The following SLMAP variants were observed in gnomAD, a reference collection of about 807,000 sequenced individuals.
SLMAP encodes the protein sarcolemma associated protein.
In SLMAP, 44 loss-of-function variants were observed where a neutral mutation model predicts 128.8. The ratio of observed to expected loss-of-function variants is 0.34; its 90% CI spans 0.27 to 0.44. The LOEUF is 0.44. SLMAP is among the 20% of genes least tolerant of loss of function. The pLI is 1.00. For missense variants in SLMAP, 787 were observed against 985.3 expected, an observed-to-expected ratio of 0.80 and a Z score of 2.69; for synonymous variants, 327 against 348.8, an observed-to-expected ratio of 0.94 and a Z score of 0.70.
chr3:57,929,066 T>C lies in SLMAP; in HGVS notation c.*1777T>C, dbSNP rs1170105445. The C allele has an allele frequency of 6.6e-6, 1 of 152,652 alleles. No individual in the cohort carries two copies. The highest frequency in any genetic ancestry group is 2.4e-5 in the African/African-American group (1 of 41,468). 9.5% of individuals were successfully genotyped at this position (152,652 alleles called of 1,614,324 possible). On this transcript the variant is annotated 3_prime_UTR_variant, in exon 25 of 25. Coordinates refer to ENST00000671191, the MANE Select transcript of SLMAP (RefSeq NM_001377540.1). ...GTAAATAATTGTTTTAAATCTATTT[T>C]GTAAAGATATAAAGTACAATAGAAT...
chr3:57,816,405 A>G (rs758657922), intron 2 of SLMAP, among the ~76,000 whole-genome samples: 3 of 152,174 alleles, frequency 2.0e-5, no homozygotes, highest in Admixed American at 1.3e-4. Flanking sequence ...TGGCCTCCCA[A>G]AGTGCTGGGA....
At chr3:57,873,123 G>A (rs1378039968) in intron 14 of SLMAP, among the ~76,000 whole-genome samples, 1 of 152,170 alleles carries the variant, frequency 6.6e-6, no homozygotes, top group Non-Finnish European at 1.5e-5. Flanking sequence ...TGTTTTTGCA[G>A]TTTCGATACT....
chr3:57,865,227 C>G lies in SLMAP; in HGVS notation c.1187-15C>G. ...ACTTCTTTGATCAGGCAATGATATA[C>G]TGTCTTAATCCTAGGGATACAAGTT... On this transcript the variant is annotated splice_polypyrimidine_tract_variant and intron_variant, in intron 12 of 24. Coordinates refer to ENST00000671191, the MANE Select transcript of SLMAP (RefSeq NM_001377540.1). The G allele has an allele frequency of 7.2e-7, 1 of 1,391,444 alleles. No homozygotes were observed. The highest frequency in any genetic ancestry group is 9.8e-7 in the Non-Finnish European group (1 of 1,016,930). 86.2% of individuals were successfully genotyped at this position (1,391,444 alleles called of 1,614,324 possible).
chr3:57,790,678 C>T (rs984315981), intron 2 of SLMAP, among the ~76,000 whole-genome samples: 21 of 152,022 alleles, frequency 1.4e-4, no homozygotes, highest in Non-Finnish European at 3.1e-4. Flanking sequence ...ATGAAACCAT[C>T]GAGCAATTAT....
At chr3:57,877,327 T>C (rs2095626568) in intron 14 of SLMAP, among the ~76,000 whole-genome samples, 1 of 152,218 alleles carries the variant, frequency 6.6e-6, no homozygotes, top group South Asian at 2.1e-4. Context: ...CTTATGTGAC[T>C]GAATGTTTAT....
At chr3:57,796,080 G>A (rs1470920666) in intron 2 of SLMAP, among the ~76,000 whole-genome samples, 1 of 152,036 alleles carries the variant, frequency 6.6e-6, no homozygotes, top group Non-Finnish European at 1.5e-5. Context: ...AGAAGCCATT[G>A]CCTAATTTAA....
chr3:57,880,010 AG>A (rs1360839325), intron 14 of SLMAP, among the ~76,000 whole-genome samples: 6 of 151,784 alleles, frequency 4.0e-5, no homozygotes, highest in African/African-American at 1.5e-4. Flanking sequence ...TGGGAGAGGA[AG>A]GGATTTTTAT....
At chr3:57,859,999 C>T (rs1280147563) in intron 8 of SLMAP, among the ~76,000 whole-genome samples, 1 of 152,152 alleles carries the variant, frequency 6.6e-6, no homozygotes, top group Non-Finnish European at 1.5e-5. Flanking sequence ...GAAGTGTTTT[C>T]TCACTCCACT....
chr3:57,869,660 A>AT (rs1553900183), intron 13 of SLMAP, among the ~76,000 whole-genome samples: 366 of 81,242 alleles, frequency 4.5e-3, no homozygotes, highest in African/African-American at 0.011. Context: ...ATATATATAT[A>AT]ATATATATAA....
chr3:57,849,722 T>C (rs2094436751), intron 5 of SLMAP, 32 bp from the exon 6 acceptor site: 1 of 1,238,568 alleles, frequency 8.1e-7, no homozygotes, highest in Non-Finnish European at 1.2e-6. Context: ...TTATGAAGTG[T>C]TTTCTGTTGA....
chr3:57,917,342 C>T, intron 22 of SLMAP: 2 of 689,264 alleles, frequency 2.9e-6, no homozygotes, highest in Non-Finnish European at 2.1e-6. Context: ...ATGAGAAATC[C>T]TTTGTACCAG....
At chr3:57,909,807 TCTCCATGTTGGTCAGGCTGATCTCAAA>T (rs1184093500) in intron 19 of SLMAP, among the ~76,000 whole-genome samples, 10 of 152,188 alleles carry the variant, frequency 6.6e-5, no homozygotes, top group Non-Finnish European at 1.3e-4. Flanking sequence ...AGATGGGGTT[TCTCCATGTTGGTCAGGCTGATCTCAAA>T]CTCCCAACCT....
chr3:57,773,833 T>C (rs2081332994), intron 2 of SLMAP, among the ~76,000 whole-genome samples: 1 of 152,212 alleles, frequency 6.6e-6, no homozygotes, highest in Admixed American at 6.5e-5. Flanking sequence ...GAAAATAGGA[T>C]GTTTCTTATT....
rs886730057 is a variant in SLMAP, at chr3:57,830,293, C to G, written c.199-1090C>G. On this transcript the variant is annotated intron_variant, in intron 2 of 24. Transcript: ENST00000671191. ...AAAGTTCTGGGATTACAGGCGTGAG[C>G]CACCACACCTGGCCTAAAATAGTAA... Among the ~76,000 whole-genome samples, 5 of 152,328 alleles carry G rather than the reference C, an allele frequency of 3.3e-5. No homozygotes were observed. In the East Asian group the frequency reaches 5.8e-4, roughly 18 times the overall value.
At chr3:57,865,196 A>G in intron 12 of SLMAP, 46 bp from the exon 13 acceptor site, 1 of 1,050,448 alleles carries the variant, frequency 9.5e-7, no homozygotes, top group Non-Finnish European at 1.4e-6. Flanking sequence ...CCACATTTAA[A>G]GTAATACTTC....
intron 2 of SLMAP, among the ~76,000 whole-genome samples, chr3:57,807,847 A>G (rs1209661424): frequency 1.3e-5 from 2 of 152,172 alleles, no homozygotes; most frequent in African/African-American, 4.8e-5. Flanking sequence ...AAGGAATGGT[A>G]CCAGCTCCTC....
chr3:57,845,512 A>G (rs2153571389), intron 4 of SLMAP, among the ~76,000 whole-genome samples: 1 of 152,270 alleles, frequency 6.6e-6, no homozygotes, highest in South Asian at 2.1e-4. Context: ...CAGCTTACAT[A>G]TGATTTATCA....
chr3:57,830,070 T>A (rs2093230249), intron 2 of SLMAP, among the ~76,000 whole-genome samples: 1 of 152,268 alleles, frequency 6.6e-6, no homozygotes, highest in South Asian at 2.1e-4. Context: ...AGTCTCGCTC[T>A]GTTGTCCAGG....
intron 2 of SLMAP, among the ~76,000 whole-genome samples, chr3:57,804,089 C>T (rs1478083234): frequency 2.0e-5 from 3 of 152,138 alleles, no homozygotes; most frequent in African/African-American, 2.4e-5. Context: ...TTTAATTTGA[C>T]AGATTGTCTG....
Sources: gnomAD v4.1 joint callset for allele counts (sites outside exome capture counted in the v4.1 genomes callset) on GRCh38, gnomAD v4.1.1 for gene constraint, MANE v1.5 for transcripts, NCBI Gene and HGNC (gene_info 2026-07-23, HGNC 2026-07-21) for gene names.